Variants in BLTP1 observed in about 807,000 individuals in gnomAD.
The protein encoded by BLTP1 is fragile site-associated protein.
At chr4:122,271,343 A>G in the BLTP1 span, 4 of 1,613,842 alleles carry the variant, frequency 2.5e-6, no homozygotes, top group East Asian at 4.5e-5. Flanking sequence ...CCCAACACCT[A>G]CCTTCAAAAC....
chr4:122,278,745 C>T, the BLTP1 span, among the ~76,000 whole-genome samples: 2 of 152,208 alleles, frequency 1.3e-5, no homozygotes, highest in African/African-American at 4.8e-5. Context: ...AATCCTCCCA[C>T]CTCATCCTTC....
chr4:122,272,120 C>T, the BLTP1 span: 5 of 1,582,020 alleles, frequency 3.2e-6, no homozygotes, highest in Non-Finnish European at 4.3e-6. Context: ...ATTTTTCAGT[C>T]TTCGTATCTA....
chr4:122,175,999 G>A, the BLTP1 span: 8 of 746,138 alleles, frequency 1.1e-5, no homozygotes, highest in South Asian at 1.3e-4. Flanking sequence ...GATATGACCA[G>A]TTAGAAAAGT....
chr4:122,355,584 T>G, the BLTP1 span, among the ~76,000 whole-genome samples: 6 of 148,578 alleles, frequency 4.0e-5, no homozygotes, highest in Non-Finnish European at 5.9e-5. Context: ...TATATAAATA[T>G]ATGTATATAT....
the BLTP1 span, chr4:122,344,724 A>C: frequency 7.9e-7 from 1 of 1,262,866 alleles, no homozygotes; most frequent in Non-Finnish European, 1.0e-6. Context: ...GTGTCAATCC[A>C]AGTAATAAAT....
chr4:122,321,839 T>TA, the BLTP1 span, among the ~76,000 whole-genome samples: 6 of 151,094 alleles, frequency 4.0e-5, no homozygotes, highest in Non-Finnish European at 7.4e-5. Flanking sequence ...TCTAGGTTGT[T>TA]GGGTTGTTTT....
chr4:122,168,143 T>C, the BLTP1 span, among the ~76,000 whole-genome samples: 8 of 152,244 alleles, frequency 5.3e-5, no homozygotes, highest in African/African-American at 1.9e-4. Flanking sequence ...CTTTATCTGT[T>C]GATTTCTCTT....
the BLTP1 span, among the ~76,000 whole-genome samples, chr4:122,217,475 C>T: frequency 4.0e-5 from 6 of 151,566 alleles, no homozygotes; most frequent in Non-Finnish European, 7.4e-5. Flanking sequence ...AATATTGATT[C>T]TACCCAATTG....
At chr4:122,175,898 A>T in the BLTP1 span, 6 of 1,512,172 alleles carry the variant, frequency 4.0e-6, no homozygotes, top group Admixed American at 8.4e-5. Flanking sequence ...TGTATAACCC[A>T]AAACAGAAGC....
the BLTP1 span, among the ~76,000 whole-genome samples, chr4:122,158,230 A>G: frequency 6.6e-6 from 1 of 152,358 alleles, no homozygotes; most frequent in East Asian, 1.9e-4. Flanking sequence ...ATATGAAAAA[A>G]GCATAAATGA....
the BLTP1 span, chr4:122,174,086 TA>T: frequency 1.9e-6 from 1 of 513,958 alleles, no homozygotes; most frequent in Non-Finnish European, 2.5e-6. Flanking sequence ...TTGAAAGCCC[TA>T]AACCAGTGGG....
the BLTP1 span, chr4:122,237,645 G>T: frequency 1.3e-6 from 1 of 768,876 alleles, no homozygotes; most frequent in East Asian, 1.3e-4. Context: ...ATGGGCCTGG[G>T]ATCTATACTT....
At chr4:122,362,185 A>C in the BLTP1 span, 1 of 1,613,570 alleles carries the variant, frequency 6.2e-7, no homozygotes, top group South Asian at 1.1e-5. Context: ...TCTTATCAAA[A>C]AGCTCGGTAC....
At chr4:122,200,574 G>A in the BLTP1 span, 202 of 579,388 alleles carry the variant, frequency 3.5e-4, 2 homozygotes, top group South Asian at 9.3e-3. Flanking sequence ...GTGAGACTCC[G>A]TCTCAAAACA....
the BLTP1 span, chr4:122,269,409 T>A: frequency 1.3e-5 from 13 of 985,176 alleles, no homozygotes; most frequent in Non-Finnish European, 9.6e-6. Flanking sequence ...CTTTGAGTGA[T>A]TCTGTGAACT....
At chr4:122,236,618 A>G in the BLTP1 span, among the ~76,000 whole-genome samples, 1 of 152,188 alleles carries the variant, frequency 6.6e-6, no homozygotes, top group African/African-American at 2.4e-5. Context: ...TGTTCTCTCT[A>G]ATGTTCTACA....
At chr4:122,270,188 G>A in the BLTP1 span, 2 of 165,480 alleles carry the variant, frequency 1.2e-5, no homozygotes, top group African/African-American at 4.8e-5. Context: ...TATTAATTAA[G>A]AAATACTAGT....
the BLTP1 span, chr4:122,226,330 TA>T: frequency 1.1e-6 from 1 of 907,580 alleles, no homozygotes; most frequent in Non-Finnish European, 1.3e-6. Flanking sequence ...CTTTTTCACA[TA>T]AAAGTTTGGT....
the BLTP1 span, chr4:122,298,771 C>G: frequency 2.4e-5 from 17 of 694,912 alleles, no homozygotes; most frequent in Non-Finnish European, 2.8e-5. Context: ...CGAACTGATA[C>G]TTGAGTAAGT....
Sources: allele counts gnomAD v4.1 joint callset (sites outside exome capture counted in the v4.1 genomes callset), GRCh38; gene constraint gnomAD v4.1.1; transcripts MANE v1.5; gene names NCBI Gene and HGNC (gene_info 2026-07-23, HGNC 2026-07-21).